Variants in CUL5 observed in about 807,000 individuals in gnomAD.
The protein encoded by CUL5 is cullin-5.
Under a neutral mutation model 108.8 loss-of-function variants are expected in CUL5, and 26 were observed. The ratio of observed to expected loss-of-function variants is 0.24; its 90% CI spans 0.18 to 0.33. The LOEUF is 0.33. Among genes scored for constraint, CUL5 ranks in the 10% least tolerant of loss-of-function variants. The pLI is 1.00. For synonymous variants in CUL5, 334 were observed against 298.0 expected, an observed-to-expected ratio of 1.12 and a Z score of -1.25; for missense variants, 524 against 909.2, an observed-to-expected ratio of 0.58 and a Z score of 5.45.
At chr11:108,062,691 G>GTAT (rs1164934703) in intron 7 of CUL5, among the ~76,000 whole-genome samples, 2 of 151,812 alleles carry the variant, frequency 1.3e-5, no homozygotes, top group African/African-American at 4.8e-5. Context: ...AGGGCAAATG[G>GTAT]TATCAATCAC....
chr11:108,075,781 A>G (rs1395315663), intron 10 of CUL5, among the ~76,000 whole-genome samples: 2 of 152,038 alleles, frequency 1.3e-5, no homozygotes, highest in Non-Finnish European at 2.9e-5. Flanking sequence ...TAGCCTTCCA[A>G]AGTTCTGGGA....
Position 108,072,348 on chromosome 11 carries a change from T to C in CUL5, c.891T>C (p.Phe297=), listed in dbSNP as rs367766251. The change falls in exon 9 of 19, where the codon TTT becomes TTC. Residue 297 remains phenylalanine, a synonymous_variant. Transcript: ENST00000393094. ...RNETEKLHLM[F]SLMDKVPNGI... ...TCCTTCCAGAATTACATTTAATGTT[T>C]TCATTGATGGACAAAGTTCCTAATG... 1.6e-5 allele frequency: 25 copies of C among 1,604,738 alleles called. No homozygotes were observed. Among genetic ancestry groups the C allele is most frequent in the Non-Finnish European group, 2.1e-5 (25 of 1,175,332 alleles).
At chr11:108,044,352 C>A (rs1565243389) in intron 2 of CUL5, among the ~76,000 whole-genome samples, 1 of 151,466 alleles carries the variant, frequency 6.6e-6, no homozygotes, top group African/African-American at 2.4e-5. Context: ...CGTGTCTCTA[C>A]AAAAAATAAA....
chr11:108,048,262 GTAAAAA>G (rs1863115217), intron 3 of CUL5, among the ~76,000 whole-genome samples: 1 of 151,192 alleles, frequency 6.6e-6, no homozygotes, highest in Admixed American at 6.6e-5. Flanking sequence ...AAAAAAAAAA[GTAAAAA>G]TAATAAACAT....
At chr11:108,031,566 C>T (rs758738121) in intron 1 of CUL5, among the ~76,000 whole-genome samples, 3 of 152,192 alleles carry the variant, frequency 2.0e-5, no homozygotes, top group Middle Eastern at 3.4e-3. Context: ...TTCTCTTTTG[C>T]TTTTGTCAGG....
chr11:108,104,592 A>G lies in CUL5; in HGVS notation c.*208A>G, dbSNP rs188184640. ...TTCATGTTGCACACTCTTTGACAGC[A>G]TGCTGTTTTGTGGAGAAACTTGCAT... On this transcript the variant is annotated 3_prime_UTR_variant, in exon 19 of 19. Transcript: ENST00000393094. The G allele has an allele frequency of 8.0e-6, 3 of 377,062 alleles. No homozygotes were observed. Among genetic ancestry groups the G allele is most frequent in the Admixed American group, 9.4e-5 (2 of 21,356 alleles). The allele number at this position is 377,062 out of a possible 1,614,324, so 23.4% of individuals were successfully genotyped here. A position where few individuals can be genotyped will look rare whatever the true frequency, so the allele number is the denominator to read the frequency against.
At chr11:108,095,136 G>A in intron 15 of CUL5, 149 bp downstream of exon 15, 1 of 635,084 alleles carries the variant, frequency 1.6e-6, no homozygotes, top group Non-Finnish European at 2.6e-6. Flanking sequence ...GAAGTTGATA[G>A]GGACATAGGC....
Position 108,057,920 on chromosome 11 carries a change from A to G in CUL5, c.780+2965A>G, listed in dbSNP as rs1009261424. On this transcript the variant is annotated intron_variant, in intron 7 of 18. Coordinates refer to ENST00000393094, the MANE Select transcript of CUL5 (RefSeq NM_003478.6). ...ATTAATCAAAGAAGTTGAAAAAATAAAGAATATTGGCTGGGTGCAGTGGCT... is the reference window on the plus strand; with the variant it reads ...ATTAATCAAAGAAGTTGAAAAAATAGAGAATATTGGCTGGGTGCAGTGGCT... 2.0e-5 allele frequency among the ~76,000 whole-genome samples: 3 copies of G among 152,172 alleles called. No homozygotes were observed. In the East Asian group the frequency reaches 5.8e-4, roughly 29 times the overall value.
At chr11:108,065,481 A>G (rs765594369) in intron 7 of CUL5, among the ~76,000 whole-genome samples, 134 of 152,308 alleles carry the variant, frequency 8.8e-4, no homozygotes, top group Non-Finnish European at 1.5e-3. Flanking sequence ...TACCACTGGA[A>G]TGGGCGATTC....
intron 8 of CUL5, among the ~76,000 whole-genome samples, chr11:108,070,750 T>C (rs1863801545): frequency 6.6e-6 from 1 of 152,212 alleles, no homozygotes; most frequent in South Asian, 2.1e-4. Context: ...AACATTTTTT[T>C]GCTTTTGTTT....
intron 13 of CUL5, among the ~76,000 whole-genome samples, chr11:108,093,852 G>A (rs1397708480): frequency 1.3e-5 from 2 of 152,082 alleles, no homozygotes; most frequent in African/African-American, 4.8e-5. Flanking sequence ...GCAGTATGCC[G>A]CCATATCCTG....
rs757441384 is a variant in CUL5 at position 108,098,367 on chromosome 11, T to A, written c.2025-39T>A. 7.0e-6 allele frequency: 11 copies of A among 1,561,174 alleles called. No homozygotes were observed. In the South Asian group the frequency reaches 1.3e-4, roughly 19 times the overall value. On this transcript the variant is annotated intron_variant, in intron 17 of 18. Transcript: ENST00000393094. ...TTGCTATAATAGGATTTTTAAAGTGTTTTTCACCATAAAATACTTGATGCA... is the reference window on the plus strand; with the variant it reads ...TTGCTATAATAGGATTTTTAAAGTGATTTTCACCATAAAATACTTGATGCA...
At chr11:108,023,595 A>G (rs1035061696) in intron 1 of CUL5, among the ~76,000 whole-genome samples, 16 of 152,224 alleles carry the variant, frequency 1.1e-4, no homozygotes, top group Admixed American at 5.2e-4. Context: ...CATGTACTAC[A>G]GTTTAAGGAA....
At chr11:108,048,637 G>T in intron 3 of CUL5, among the ~76,000 whole-genome samples, 1 of 126,272 alleles carries the variant, frequency 7.9e-6, no homozygotes, top group Non-Finnish European at 1.7e-5. Context: ...TGGGGAAATA[G>T]ACTCCACCAC....
At chr11:108,099,055 A>G (rs1324186051) in intron 18 of CUL5, among the ~76,000 whole-genome samples, 4 of 142,384 alleles carry the variant, frequency 2.8e-5, no homozygotes, top group Non-Finnish European at 6.0e-5. Context: ...CCCAGGCTAG[A>G]GTGCAGTGGC....
At chr11:108,066,337 C>G (rs1413810924) in intron 7 of CUL5, among the ~76,000 whole-genome samples, 1 of 151,608 alleles carries the variant, frequency 6.6e-6, no homozygotes, top group Non-Finnish European at 1.5e-5. Flanking sequence ...GAGCGAGACT[C>G]TGTCTCAAAA....
intron 16 of CUL5, among the ~76,000 whole-genome samples, chr11:108,096,696 A>G (rs928752355): frequency 1.3e-5 from 2 of 148,268 alleles, no homozygotes; most frequent in Admixed American, 1.4e-4. Context: ...CCTCCCAAGT[A>G]GCTGGAATTA....
chr11:108,063,366 G>A lies in CUL5; in HGVS notation c.781-6730G>A, dbSNP rs1863592047. 1.3e-5 allele frequency among the ~76,000 whole-genome samples: 2 copies of A among 152,176 alleles called. 1 individual carries two copies. The highest frequency in any genetic ancestry group is 4.1e-4 in the South Asian group (2 of 4,826). On this transcript the variant is annotated intron_variant, in intron 7 of 18. Transcript: ENST00000393094. ...GTTCTCCAGTTTCATCCATGTTGTT[G>A]CAAATGGCAGGATCTCATTCTTTTT...
At chr11:108,062,269 C>A (rs1240945929) in intron 7 of CUL5, among the ~76,000 whole-genome samples, 1 of 152,004 alleles carries the variant, frequency 6.6e-6, no homozygotes, top group African/African-American at 2.4e-5. Context: ...CACTTGGCTT[C>A]CTCTTGGAAT....
Sources: allele counts gnomAD v4.1 joint callset (sites outside exome capture counted in the v4.1 genomes callset), GRCh38; gene constraint gnomAD v4.1.1; transcripts MANE v1.5; gene names NCBI Gene and HGNC (gene_info 2026-07-23, HGNC 2026-07-21).